Variants in DAB1 observed in about 807,000 individuals in gnomAD.
DAB1 encodes the protein disabled homolog 1.
Under a neutral mutation model 64.6 loss-of-function variants are expected in DAB1, and 15 were observed. That is an observed-to-expected ratio of 0.23 (90% confidence interval 0.16 to 0.36). The LOEUF is 0.36. DAB1 is among the 10% of genes least tolerant of loss of function. The probability of loss-of-function intolerance (pLI) is 1.00; values close to 1 mark genes in which losing one functional copy is unlikely to be tolerated. For synonymous variants in DAB1, 235 were observed against 251.9 expected (o/e 0.93, Z 0.64); for missense variants, 596 against 706.7 (o/e 0.84, Z 1.78).
chr1:57,706,567 A>C (rs1646968912), intron 6 of DAB1, among the ~76,000 whole-genome samples: 2 of 152,020 alleles, frequency 1.3e-5, no homozygotes. Context: ...TGCCCACCTC[A>C]GTCTTCCAAA....
At chr1:57,003,473 A>G (rs905352180) in intron 14 of DAB1, among the ~76,000 whole-genome samples, 9 of 151,878 alleles carry the variant, frequency 5.9e-5, no homozygotes, top group African/African-American at 1.7e-4. Context: ...GCCAGCACAC[A>G]GCAGAGCTGG....
rs12563894 is a variant in DAB1, at chr1:57,287,147, C to G, written c.67+3817G>C. Among the ~76,000 whole-genome samples the G allele has an allele frequency of 8.2e-3, 1,242 of 152,342 alleles. 31 individuals are homozygous for G. The highest frequency in any genetic ancestry group is 0.08 in the East Asian group (411 of 5,166). On this transcript the variant is annotated intron_variant, in intron 2 of 14. Transcript: ENST00000371236. ...AGTGCAGTGGTGTGATTTTGGCACA[C>G]TGCAAACTCCAATTCATGGGCTCAA...
Position 57,690,934 on chromosome 1 carries a change from T to G in DAB1, n.552-41269A>C, listed in dbSNP as rs1038959030. The stretch of plus-strand genomic sequence containing the variant: ...TTTTTATATGCCTGTTTACCATTTG[T>G]GCATCTTCTTTTGAGAAGTGTCTAT... On this transcript the variant is annotated intron_variant and non_coding_transcript_variant, in intron 6 of 20. Coordinates refer to the DAB1 transcript ENST00000485760. Among the ~76,000 whole-genome samples, 5 of 152,356 alleles carry G rather than the reference T, an allele frequency of 3.3e-5. No individual in the cohort carries two copies. The South Asian group carries it at 1.0e-3, about 32-fold the overall frequency.
At chr1:58,211,692 T>C (rs949264841) in intron 4 of DAB1, among the ~76,000 whole-genome samples, 1 of 152,196 alleles carries the variant, frequency 6.6e-6, no homozygotes, top group African/African-American at 2.4e-5. Flanking sequence ...TTCTCCTGTA[T>C]CTCTAATTCT....
intron 6 of DAB1, among the ~76,000 whole-genome samples, chr1:57,734,436 G>C (rs1647583624): frequency 1.3e-5 from 2 of 152,150 alleles, no homozygotes; most frequent in South Asian, 4.1e-4. Flanking sequence ...TGACCAGCTT[G>C]AGGATTGGAT....
At chr1:57,795,732 T>TATATATATATATAG (rs1650828520) in intron 6 of DAB1, among the ~76,000 whole-genome samples, 1 of 112,804 alleles carries the variant, frequency 8.9e-6, no homozygotes, top group Non-Finnish European at 1.9e-5. Flanking sequence ...TATATATATA[T>TATATATATATATAG]ATCATACACA....
At chr1:57,819,405 C>A (rs1301263753) in intron 6 of DAB1, among the ~76,000 whole-genome samples, 1 of 152,158 alleles carries the variant, frequency 6.6e-6, no homozygotes, top group East Asian at 1.9e-4. Flanking sequence ...ATTTTCCTTG[C>A]TGGTTTCTGT....
intron 1 of DAB1, among the ~76,000 whole-genome samples, chr1:57,331,649 C>G (rs1230956513): frequency 6.6e-6 from 1 of 152,208 alleles, no homozygotes; most frequent in Non-Finnish European, 1.5e-5. Flanking sequence ...TCATGTGCCC[C>G]AGTTGGAGGC....
In DAB1 at chr1:57,436,392, C is replaced by G. The variant is rs147763743; in HGVS notation, n.626-145226G>C. Among the ~76,000 whole-genome samples, 1,028 of 152,268 alleles carry G rather than the reference C, an allele frequency of 6.8e-3. 9 individuals are homozygous for G. Among genetic ancestry groups the G allele is most frequent in the African/African-American group, 0.01 (422 of 41,556 alleles). ...CGGATCAAACTACTCTTAAGAGCTG[C>G]GCGTTTCAATATGTCTATTTTGCCT... On this transcript the variant is annotated intron_variant and non_coding_transcript_variant, in intron 7 of 20. Transcript: ENST00000485760.
At chr1:57,130,616 G>A (rs557252580) in intron 4 of DAB1, among the ~76,000 whole-genome samples, 5 of 152,074 alleles carry the variant, frequency 3.3e-5, no homozygotes, top group South Asian at 2.1e-4. Flanking sequence ...GAACATGGAC[G>A]AGCCTGGGGG....
At chr1:58,326,843 T>C (rs956449671) in intron 4 of DAB1, among the ~76,000 whole-genome samples, 2 of 152,140 alleles carry the variant, frequency 1.3e-5, no homozygotes, top group Non-Finnish European at 2.9e-5. Flanking sequence ...CCTCAGCCCC[T>C]ATCCCCATCC....
At chr1:57,142,598 T>A (rs1031411469) in intron 3 of DAB1, among the ~76,000 whole-genome samples, 7 of 142,708 alleles carry the variant, frequency 4.9e-5, no homozygotes, top group Admixed American at 2.1e-4. Flanking sequence ...TCACTGCAGG[T>A]CACACACACA....
intron 7 of DAB1, among the ~76,000 whole-genome samples, chr1:57,645,520 A>G (rs952099275): frequency 6.6e-5 from 10 of 152,224 alleles, no homozygotes; most frequent in Non-Finnish European, 1.5e-4. Context: ...AAAGATCAAC[A>G]TATCTGCCTT....
intron 3 of DAB1, among the ~76,000 whole-genome samples, chr1:58,398,087 C>A (rs1429642274): frequency 6.6e-6 from 1 of 152,178 alleles, no homozygotes. Flanking sequence ...GATCTATCTT[C>A]ACAGCTGCCA....
chr1:57,376,931 G>GA, intron 1 of DAB1, among the ~76,000 whole-genome samples: 1 of 152,286 alleles, frequency 6.6e-6, no homozygotes, highest in Non-Finnish European at 1.5e-5. Flanking sequence ...AAGTCCACTT[G>GA]AAAGATATGA....
intron 9 of DAB1, among the ~76,000 whole-genome samples, chr1:57,050,496 G>A (rs1025385070): frequency 6.6e-5 from 10 of 152,176 alleles, no homozygotes; most frequent in Non-Finnish European, 7.3e-5. Context: ...TCATCAGCCC[G>A]TGTGACATGA....
intron 6 of DAB1, among the ~76,000 whole-genome samples, chr1:57,669,083 C>A (rs1274421759): frequency 6.6e-6 from 1 of 152,054 alleles, no homozygotes; most frequent in African/African-American, 2.4e-5. Flanking sequence ...TACACCCGAT[C>A]CTGGGGACCA....
chr1:58,193,950 A>G (rs2100239353), intron 4 of DAB1, among the ~76,000 whole-genome samples: 1 of 152,356 alleles, frequency 6.6e-6, no homozygotes, highest in Non-Finnish European at 1.5e-5. Context: ...TAGTAACACA[A>G]GAACCAAATT....
At chr1:57,600,130 A>C (rs1201259395) in intron 7 of DAB1, among the ~76,000 whole-genome samples, 1 of 151,978 alleles carries the variant, frequency 6.6e-6, no homozygotes, top group East Asian at 1.9e-4. Context: ...TAGACTGGGG[A>C]GCAACTCACT....
Sources: gnomAD v4.1 joint callset for allele counts (sites outside exome capture counted in the v4.1 genomes callset) on GRCh38, gnomAD v4.1.1 for gene constraint, MANE v1.5 for transcripts, NCBI Gene and HGNC (gene_info 2026-07-23, HGNC 2026-07-21) for gene names.